The following ARHGAP39 variants were observed in gnomAD, a reference collection of about 807,000 sequenced individuals.
The protein encoded by ARHGAP39 is Rho GTPase activating protein 39, also known as rho GTPase-activating protein 39.
A neutral mutation model predicts 106.9 loss-of-function variants in ARHGAP39; 44 were observed. The ratio of observed to expected loss-of-function variants is 0.41; its 90% CI spans 0.32 to 0.53. The LOEUF is 0.53. Ranked by LOEUF, ARHGAP39 falls within the 20% of genes least tolerant of loss-of-function variation. The probability of loss-of-function intolerance (pLI) is 0.21; values close to 1 mark genes in which losing one functional copy is unlikely to be tolerated. For missense variants in ARHGAP39, 1,496 were observed against 1,577.3 expected, an observed-to-expected ratio of 0.95 and a Z score of 0.87; for synonymous variants, 768 against 693.2, an observed-to-expected ratio of 1.11 and a Z score of -1.69.
chr8:144,694,761 C>G, the ARHGAP39 span, among the ~76,000 whole-genome samples: 2 of 152,174 alleles, frequency 1.3e-5, no homozygotes, highest in African/African-American at 4.8e-5. Flanking sequence ...ACATTTCAGG[C>G]TGCTGAAAGG....
chr8:144,541,734 G>A (rs1817200246), intron 6 of ARHGAP39, among the ~76,000 whole-genome samples: 1 of 152,118 alleles, frequency 6.6e-6, no homozygotes. Flanking sequence ...TTTTGTGGCT[G>A]GACACGTTCT....
In ARHGAP39 at chr8:144,530,120, G is replaced by C. The variant is rs1382535879; in HGVS notation, c.*302C>G. 2.5e-6 allele frequency: 1 copy of C among 405,880 alleles called. No individual in the cohort carries two copies. Among genetic ancestry groups the C allele is most frequent in the Non-Finnish European group, 4.4e-6 (1 of 224,984 alleles). The allele number at this position is 405,880 out of a possible 1,614,324, so 25.1% of individuals were successfully genotyped here. A position where few individuals can be genotyped will look rare whatever the true frequency, so the allele number is the denominator to read the frequency against. On this transcript the variant is annotated 3_prime_UTR_variant, in exon 12 of 12. Coordinates refer to ENST00000377307, the MANE Select transcript of ARHGAP39 (RefSeq NM_025251.3). ...GGCCCCAAGGAGGCAGCGTCGCTCG[G>C]CTCCAGGACACAGAAGGCACTTTCT...
intron 1 of ARHGAP39, among the ~76,000 whole-genome samples, chr8:144,622,777 A>C (rs1192592363): frequency 1.3e-5 from 2 of 152,262 alleles, no homozygotes. Flanking sequence ...AAAAGCAGGA[A>C]CCTGGAAAAA....
At chr8:144,556,628 A>T (rs375280752) in intron 3 of ARHGAP39, among the ~76,000 whole-genome samples, 3,684 of 131,704 alleles carry the variant, frequency 0.028, 19 homozygotes, top group African/African-American at 0.094. Context: ...TAGTATTCAG[A>T]GGCAAAGCCT....
At chr8:144,627,760 AAAAAC>A (rs1012634925) in intron 1 of ARHGAP39, among the ~76,000 whole-genome samples, 45 of 152,232 alleles carry the variant, frequency 3.0e-4, no homozygotes, top group African/African-American at 8.7e-4. Context: ...CCTGTCTCAA[AAAAAC>A]AAAACAAAAC....
At chr8:144,623,495 C>T (rs1820856205) in intron 1 of ARHGAP39, among the ~76,000 whole-genome samples, 1 of 152,244 alleles carries the variant, frequency 6.6e-6, no homozygotes, top group African/African-American at 2.4e-5. Flanking sequence ...GATGCGGCTC[C>T]ATCGAGGCTG....
rs533360286 is a variant in ARHGAP39, at chr8:144,646,284, G to A, written c.-82+39402C>T. ...GGCCAACAGGGGGCCCCAAACAGGA[G>A]TGAGAACAAGGGCGCCTGTGTTGTT... On this transcript the variant is annotated intron_variant, in intron 1 of 11. Coordinates refer to ENST00000377307, the MANE Select transcript of ARHGAP39 (RefSeq NM_025251.3). This position sits in a 1 kb window ranked among gnomAD's most constrained non-coding sequence, Gnocchi z 5.7. Among the ~76,000 whole-genome samples the A allele has an allele frequency of 7.9e-5, 12 of 152,340 alleles. No individual in the cohort carries two copies. The South Asian group carries it at 2.5e-3, about 32-fold the overall frequency.
rs113640851 is a variant in ARHGAP39 at position 144,660,848 on chromosome 8, G to C, written c.-82+24838C>G. Reference sequence around the variant, plus strand: ...TACAAAAAAAACTTAGCTGAGAGTGGTGGTGTCCATCTGTAGTCCCAGCTA... The same window carrying C: ...TACAAAAAAAACTTAGCTGAGAGTGCTGGTGTCCATCTGTAGTCCCAGCTA... On this transcript the variant is annotated intron_variant, in intron 1 of 11. Transcript: ENST00000377307. 7.2e-3 allele frequency among the ~76,000 whole-genome samples: 1,095 copies of C among 152,244 alleles called. 7 individuals are homozygous for C. The highest frequency in any genetic ancestry group is 0.025 in the African/African-American group (1,038 of 41,526).
At chr8:144,639,055 G>C (rs1226097127) in intron 1 of ARHGAP39, among the ~76,000 whole-genome samples, 1 of 152,174 alleles carries the variant, frequency 6.6e-6, no homozygotes, top group Non-Finnish European at 1.5e-5. Context: ...GGCCAGGAGC[G>C]GTGGCTCACG....
intron 1 of ARHGAP39, among the ~76,000 whole-genome samples, chr8:144,655,082 G>A (rs939276603): frequency 6.6e-6 from 1 of 152,116 alleles, no homozygotes; most frequent in African/African-American, 2.4e-5. Flanking sequence ...AGCAAAGTTG[G>A]GTCTGAGCCC....
At position 144,530,630 on chromosome 8, in the gene ARHGAP39, G is replaced by C. The variant is rs1211973357; in HGVS notation, c.3151-14C>G. The C allele has an allele frequency of 6.4e-7, 1 of 1,573,666 alleles. No homozygotes were observed. Among genetic ancestry groups the C allele is most frequent in the Admixed American group, 1.8e-5 (1 of 56,044 alleles). ...CTGCACGAAGACCTGGTGGAGGAGC[G>C]AGGGTGGGCGCGGAGGGGCGGGGGC... On this transcript the variant is annotated splice_polypyrimidine_tract_variant and intron_variant, in intron 11 of 11. Transcript: ENST00000377307.
intron 3 of ARHGAP39, among the ~76,000 whole-genome samples, chr8:144,557,068 G>A (rs1817954151): frequency 7.0e-6 from 1 of 142,082 alleles, no homozygotes; most frequent in South Asian, 2.1e-4. Flanking sequence ...GCAAAAGCCT[G>A]AACCTTCATA....
intron 1 of ARHGAP39, among the ~76,000 whole-genome samples, chr8:144,631,823 C>CT (rs1356058673): frequency 6.6e-6 from 1 of 152,254 alleles, no homozygotes; most frequent in Non-Finnish European, 1.5e-5. Context: ...TTCTTGTAAC[C>CT]TTTTTCCAGA....
rs1014534173 is a variant in ARHGAP39 at position 144,645,412 on chromosome 8, C to T, written c.-81-39717G>A. Among the ~76,000 whole-genome samples, 2 of 152,132 alleles carry T rather than the reference C, an allele frequency of 1.3e-5. No individual in the cohort carries two copies. Among genetic ancestry groups the T allele is most frequent in the African/African-American group, 4.8e-5 (2 of 41,438 alleles). On this transcript the variant is annotated intron_variant, in intron 1 of 11. Transcript: ENST00000377307. The surrounding 1 kb of genome is among the most constrained non-coding windows in gnomAD (Gnocchi z 4.4). ...CTCCCTGCCTCACTGTGGTCTCTCCCGGCAGAGTCACTGATGGACTCCGTC... is the reference window on the plus strand; with the variant it reads ...CTCCCTGCCTCACTGTGGTCTCTCCTGGCAGAGTCACTGATGGACTCCGTC...
At position 144,564,220 on chromosome 8, in the gene ARHGAP39, CAAGAGATG is replaced by C. The variant is rs1325770741; in HGVS notation, c.513-8585_513-8578del. On this transcript the variant is annotated intron_variant, in intron 3 of 11. Transcript: ENST00000377307. ...GCATGTAAAATGTCATCACAAATAA[CAAGAGATG>C]AACATCTGCAATTGGTTCTGATAGT... is the stretch of plus-strand genomic sequence containing the variant. Among the ~76,000 whole-genome samples the C allele has an allele frequency of 3.3e-5, 5 of 152,190 alleles. No individual in the cohort carries two copies. In the East Asian group the frequency reaches 9.6e-4, roughly 29 times the overall value.
At chr8:144,601,290 G>A (rs1299934595) in intron 2 of ARHGAP39, among the ~76,000 whole-genome samples, 3 of 148,892 alleles carry the variant, frequency 2.0e-5, no homozygotes, top group Admixed American at 6.7e-5. Flanking sequence ...ATGGAGGCAT[G>A]CGTGCGTGCT....
intron 1 of ARHGAP39, among the ~76,000 whole-genome samples, chr8:144,648,390 C>A (rs1821495033): frequency 6.6e-6 from 1 of 152,228 alleles, no homozygotes; most frequent in South Asian, 2.1e-4. Context: ...GCAAAAGTAA[C>A]TGGAGCAATC....
rs146572230 is a variant in ARHGAP39 at position 144,543,189 on chromosome 8, T to C, written c.2521+2060A>G. On this transcript the variant is annotated intron_variant, in intron 6 of 11. Transcript: ENST00000377307. ...CAGGGTCTCACTTTGTTGCCCAGGC[T>C]GGTCTCAAACTCCCAGGCTCAAGGG... Among the ~76,000 whole-genome samples, 572 of 152,282 alleles carry C rather than the reference T, an allele frequency of 3.8e-3. 3 individuals carry two copies. Among genetic ancestry groups the C allele is most frequent in the African/African-American group, 0.013 (555 of 41,578 alleles).
At chr8:144,559,643 A>G (rs1044197609) in intron 3 of ARHGAP39, among the ~76,000 whole-genome samples, 2 of 152,216 alleles carry the variant, frequency 1.3e-5, no homozygotes, top group African/African-American at 4.8e-5. Flanking sequence ...TATATGCCAG[A>G]AAATTAAGGC....
Sources: allele counts gnomAD v4.1 joint callset (sites outside exome capture counted in the v4.1 genomes callset), GRCh38; gene constraint gnomAD v4.1.1; non-coding constraint Gnocchi (gnomAD v3.1); transcripts MANE v1.5; gene names NCBI Gene and HGNC (gene_info 2026-07-23, HGNC 2026-07-21).